PTPRN2: variants seen among roughly 807,000 people sequenced by gnomAD.
The protein encoded by PTPRN2 is protein tyrosine phosphatase receptor type N2.
A neutral mutation model predicts 118.8 loss-of-function variants in PTPRN2; 74 were observed. That is an observed-to-expected ratio of 0.62 (90% CI 0.52 to 0.76). PTPRN2 has a LOEUF of 0.76. PTPRN2 is among the 30% of genes least tolerant of loss of function. The pLI is 0.00. For synonymous variants in PTPRN2, 641 were observed against 608.0 expected (o/e 1.05, Z -0.80); for missense variants, 1,481 against 1,394.4 (o/e 1.06, Z -0.99).
At chr7:158,192,822 G>A (rs948912897) in intron 4 of PTPRN2, among the ~76,000 whole-genome samples, 2 of 152,216 alleles carry the variant, frequency 1.3e-5, no homozygotes, top group African/African-American at 4.8e-5. Flanking sequence ...TTGGCTGCAG[G>A]CTCAGCAGGA....
intron 11 of PTPRN2, among the ~76,000 whole-genome samples, chr7:157,973,582 T>G (rs923455839): frequency 1.3e-5 from 2 of 152,112 alleles, no homozygotes; most frequent in Admixed American, 1.3e-4. Flanking sequence ...CACAGCCGGG[T>G]GGGGCTTACC....
intron 5 of PTPRN2, among the ~76,000 whole-genome samples, chr7:158,179,787 A>G (rs1445551956): frequency 6.6e-6 from 1 of 152,194 alleles, no homozygotes; most frequent in Non-Finnish European, 1.5e-5. Flanking sequence ...AGTCTCACCC[A>G]CCAATATGCC....
rs1396694569 is a variant in PTPRN2, at chr7:158,133,931, G to A, written c.1302C>T (p.Ser434=). The stretch of plus-strand genomic sequence containing the variant: ...CGGCAGTCTCCTCTTCTGAAGACAG[G>A]GAAGACTCAGGGTGCTCGGACTTCT... ...ERKKSEHPES[S]LSSEEETAGV... is the part of the protein sequence containing the mutation. Residue 434 remains serine, a synonymous_variant, in exon 9 of 23, where the codon TCC becomes TCT. Coordinates refer to ENST00000389418, the MANE Select transcript of PTPRN2 (RefSeq NM_002847.5). 8 of 1,613,866 alleles carry A rather than the reference G, an allele frequency of 5.0e-6. No individual in the cohort carries two copies. The highest frequency in any genetic ancestry group is 6.8e-6 in the Non-Finnish European group (8 of 1,180,044).
At chr7:158,196,527 G>A (rs1463609244) in intron 4 of PTPRN2, among the ~76,000 whole-genome samples, 2 of 152,152 alleles carry the variant, frequency 1.3e-5, no homozygotes, top group East Asian at 3.9e-4. Context: ...CCTCTGTCAT[G>A]ACCACACTGA....
rs533930723 is a variant in PTPRN2, at chr7:157,972,345, C to T, written c.1724-73608G>A. Among the ~76,000 whole-genome samples, 8 of 152,316 alleles carry T rather than the reference C, an allele frequency of 5.3e-5. No homozygotes were observed. In the South Asian group the frequency reaches 1.2e-3, roughly 24 times the overall value. ...ACCTGGAATGAGGCAAATGGGACCT[C>T]GGGTCTTAAAGGATGAAACCAGAGC... On this transcript the variant is annotated intron_variant, in intron 11 of 22. Coordinates refer to ENST00000389418, the MANE Select transcript of PTPRN2 (RefSeq NM_002847.5).
intron 12 of PTPRN2, among the ~76,000 whole-genome samples, chr7:157,748,275 T>C (rs1801149221): frequency 6.7e-6 from 1 of 149,344 alleles, no homozygotes; most frequent in South Asian, 2.1e-4. Context: ...GAGGCCTGCG[T>C]CCCTGAGCTG....
At chr7:157,853,753 A>G in intron 12 of PTPRN2, among the ~76,000 whole-genome samples, 1 of 152,154 alleles carries the variant, frequency 6.6e-6, no homozygotes, top group Non-Finnish European at 1.5e-5. Flanking sequence ...GTGTTTTGGG[A>G]TGAATTGAGT....
intron 11 of PTPRN2, among the ~76,000 whole-genome samples, chr7:157,988,432 C>A (rs1803972979): frequency 6.6e-6 from 1 of 152,218 alleles, no homozygotes; most frequent in Admixed American, 6.5e-5. Context: ...AGGACAGTGT[C>A]CTGCCTGCAC....
chr7:158,237,964 A>G (rs1795641210), intron 3 of PTPRN2, among the ~76,000 whole-genome samples: 1 of 152,190 alleles, frequency 6.6e-6, no homozygotes, highest in Admixed American at 6.5e-5. Context: ...CACACAGGAC[A>G]CAAGTGTCTG....
At chr7:158,561,120 A>G (rs1827354962) in intron 1 of PTPRN2, among the ~76,000 whole-genome samples, 1 of 152,242 alleles carries the variant, frequency 6.6e-6, no homozygotes, top group Non-Finnish European at 1.5e-5. Flanking sequence ...ATACTTGATC[A>G]AGTCAATAAA....
intron 13 of PTPRN2, among the ~76,000 whole-genome samples, chr7:157,660,379 A>G (rs1160513026): frequency 1.3e-5 from 2 of 152,166 alleles, no homozygotes; most frequent in East Asian, 1.9e-4. Context: ...GGGTGAAGCC[A>G]CCAAGAGGCC....
At chr7:157,669,757 G>A (rs1041745309) in intron 13 of PTPRN2, among the ~76,000 whole-genome samples, 1 of 152,050 alleles carries the variant, frequency 6.6e-6, no homozygotes, top group Non-Finnish European at 1.5e-5. Context: ...AACAGCCTAA[G>A]ATCAGTAGGA....
chr7:157,935,513 C>T (rs1251456227), intron 11 of PTPRN2, among the ~76,000 whole-genome samples: 2 of 152,222 alleles, frequency 1.3e-5, no homozygotes, highest in African/African-American at 4.8e-5. Flanking sequence ...TGCTGAGGTT[C>T]CCACGTGTCC....
chr7:158,437,306 T>A (rs550577743), intron 2 of PTPRN2, among the ~76,000 whole-genome samples: 18 of 152,260 alleles, frequency 1.2e-4, no homozygotes, highest in Non-Finnish European at 2.4e-4. Context: ...AGAATCAATT[T>A]TTCTGGTGAA....
At chr7:157,642,466 C>G (rs1804729835) in intron 14 of PTPRN2, among the ~76,000 whole-genome samples, 1 of 152,208 alleles carries the variant, frequency 6.6e-6, no homozygotes, top group African/African-American at 2.4e-5. Context: ...CCTGCAGATG[C>G]AGGAGTCACT....
intron 4 of PTPRN2, among the ~76,000 whole-genome samples, chr7:158,193,431 T>G (rs1306568044): frequency 6.6e-6 from 1 of 152,088 alleles, no homozygotes; most frequent in East Asian, 1.9e-4. Flanking sequence ...CCAGGGAGAT[T>G]CACTGGAAAA....
intron 13 of PTPRN2, among the ~76,000 whole-genome samples, chr7:157,658,138 G>C (rs1265358739): frequency 6.6e-6 from 1 of 151,430 alleles, no homozygotes; most frequent in Non-Finnish European, 1.5e-5. Flanking sequence ...CGCCACAGTA[G>C]CCTTCGTTGG....
At chr7:158,487,075 G>C (rs188177750) in intron 2 of PTPRN2, among the ~76,000 whole-genome samples, 1 of 152,218 alleles carries the variant, frequency 6.6e-6, no homozygotes, top group East Asian at 1.9e-4. Flanking sequence ...ACAGCCTCAA[G>C]CTCCCCCCAT....
chr7:158,271,851 G>T lies in PTPRN2; in HGVS notation c.277+44968C>A, dbSNP rs182711485. Among the ~76,000 whole-genome samples, 189 of 152,248 alleles carry T rather than the reference G, an allele frequency of 1.2e-3. 2 individuals are homozygous for T. Among genetic ancestry groups the T allele is most frequent in the African/African-American group, 4.3e-3 (179 of 41,538 alleles). ...CCCATCCGTGAGGCTCTTCCTCAGG[G>T]CCTCAGCGCCTTGCAAAGGCCCCTA... On this transcript the variant is annotated intron_variant, in intron 3 of 22. Coordinates refer to ENST00000389418, the MANE Select transcript of PTPRN2 (RefSeq NM_002847.5).
Sources: gnomAD v4.1 joint callset for allele counts (sites outside exome capture counted in the v4.1 genomes callset) on GRCh38, gnomAD v4.1.1 for gene constraint, MANE v1.5 for transcripts, NCBI Gene and HGNC (gene_info 2026-07-23, HGNC 2026-07-21) for gene names.